Variants in ERG observed in about 807,000 individuals in gnomAD.
ERG encodes the protein transcriptional regulator ERG.
A neutral mutation model predicts 55.3 loss-of-function variants in ERG; 9 were observed. The observed-to-expected ratio is 0.16, with a 90% CI of 0.10 to 0.28. The LOEUF (loss-of-function observed/expected upper bound fraction) is 0.28, where lower values mean the gene tolerates loss of function less well. Ranked by LOEUF, ERG falls within the 10% of genes least tolerant of loss-of-function variation. The pLI, the probability that ERG is intolerant of heterozygous loss-of-function variation, is 1.00. For missense variants in ERG, 434 were observed against 631.6 expected (o/e 0.69, Z 3.35); for synonymous variants, 223 against 237.3 (o/e 0.94, Z 0.55).
chr21:38,636,918 G>A (rs550899407), intron 1 of ERG, among the ~76,000 whole-genome samples: 10 of 152,248 alleles, frequency 6.6e-5, no homozygotes, highest in South Asian at 4.2e-4. Flanking sequence ...AGGAAGAGGC[G>A]AACACTGTTA....
chr21:38,530,341 T>C (rs1326455063), intron 2 of ERG, among the ~76,000 whole-genome samples: 1 of 152,158 alleles, frequency 6.6e-6, no homozygotes, highest in Admixed American at 6.5e-5. Flanking sequence ...ATTGCAGAAG[T>C]GAGCCACTGC....
At chr21:38,569,449 G>A (rs899832200) in intron 2 of ERG, among the ~76,000 whole-genome samples, 5 of 152,222 alleles carry the variant, frequency 3.3e-5, no homozygotes, top group Non-Finnish European at 5.9e-5. Context: ...GATCTCTAAT[G>A]TGATGATTTG....
At chr21:38,571,753 G>A (rs1238430279) in intron 2 of ERG, among the ~76,000 whole-genome samples, 1 of 151,364 alleles carries the variant, frequency 6.6e-6, no homozygotes, top group Non-Finnish European at 1.5e-5. Flanking sequence ...TTTTTTTATT[G>A]TTTCCAGCTC....
intron 2 of ERG, among the ~76,000 whole-genome samples, chr21:38,514,037 A>G (rs1302706300): frequency 1.3e-5 from 2 of 152,150 alleles, no homozygotes; most frequent in South Asian, 4.1e-4. Flanking sequence ...GTTGAAATAC[A>G]TAATTGGAAA....
chr21:38,476,696 A>G (rs114201023), intron 1 of ERG, among the ~76,000 whole-genome samples: 263 of 152,280 alleles, frequency 1.7e-3, no homozygotes, highest in African/African-American at 6.1e-3. Flanking sequence ...AAAGAGACAG[A>G]ATCCTTCCCC....
chr21:38,633,562 C>T (rs1053232802), intron 1 of ERG, among the ~76,000 whole-genome samples: 2 of 152,170 alleles, frequency 1.3e-5, no homozygotes, highest in Admixed American at 6.5e-5. Context: ...TATCAGCACA[C>T]ATGAATTATT....
chr21:38,612,599 CAG>C (rs1286276165), intron 1 of ERG, among the ~76,000 whole-genome samples: 1 of 151,130 alleles, frequency 6.6e-6, no homozygotes, highest in East Asian at 1.9e-4. Context: ...TCATGAAAAA[CAG>C]AGGAAAAAAT....
At chr21:38,425,716 C>T (rs1989791369) in intron 2 of ERG, among the ~76,000 whole-genome samples, 1 of 152,204 alleles carries the variant, frequency 6.6e-6, no homozygotes, top group African/African-American at 2.4e-5. Flanking sequence ...CCAATGAAGC[C>T]TCATTTATCT....
chr21:38,561,387 C>T (rs1448954200), intron 2 of ERG, among the ~76,000 whole-genome samples: 1 of 151,704 alleles, frequency 6.6e-6, no homozygotes, highest in African/African-American at 2.4e-5. Flanking sequence ...CCCAACACCC[C>T]TTGTCACACC....
intron 2 of ERG, among the ~76,000 whole-genome samples, chr21:38,554,370 TGCATTATTCACA>T (rs982779804): frequency 3.2e-4 from 49 of 152,348 alleles, no homozygotes; most frequent in African/African-American, 1.2e-3. Context: ...TAAAGACACC[TGCATTATTCACA>T]GCATTATTCA....
intron 2 of ERG, among the ~76,000 whole-genome samples, chr21:38,543,610 C>T (rs1056019119): frequency 4.6e-5 from 7 of 151,886 alleles, no homozygotes; most frequent in Non-Finnish European, 1.0e-4. Context: ...AAAACCCCTG[C>T]TCTTGTGGAG....
At chr21:38,393,879 T>C (rs1366673253) in intron 6 of ERG, among the ~76,000 whole-genome samples, 1 of 152,224 alleles carries the variant, frequency 6.6e-6, no homozygotes, top group Non-Finnish European at 1.5e-5. Context: ...CAGCTGGCAT[T>C]TTTGCATTTT....
Position 38,654,978 on chromosome 21 carries a change from A to T in ERG, c.-150+6680T>A, listed in dbSNP as rs1046010987. Among the ~76,000 whole-genome samples, 6 of 152,194 alleles carry T rather than the reference A, an allele frequency of 3.9e-5. No individual in the cohort carries two copies. The East Asian group carries it at 1.2e-3, about 29-fold the overall frequency. ...AATTAGCACTTGGTTTCTTTTCAAA[A>T]TGTTTTTACCTCATTTCCTAATAAA... On this transcript the variant is annotated intron_variant, in intron 1 of 10. Coordinates refer to the ERG transcript ENST00000398910.
chr21:38,532,897 G>T (rs571723897), intron 2 of ERG, among the ~76,000 whole-genome samples: 1 of 152,176 alleles, frequency 6.6e-6, no homozygotes, highest in African/African-American at 2.4e-5. Context: ...AAGCTTCCCA[G>T]TGCTGTATCA....
chr21:38,585,532 C>CTTTTTTTTTTTTTTTT (rs760791568), upstream of ERG, among the ~76,000 whole-genome samples: 5,087 of 59,214 alleles, frequency 0.086, 1,612 homozygotes, highest in Non-Finnish European at 0.12. Flanking sequence ...TCTCTCTCTT[C>CTTTTTTTTTTTTTTTT]TTTTTTTTTT....
At chr21:38,489,313 T>C (rs1601123638) in intron 1 of ERG, among the ~76,000 whole-genome samples, 1 of 152,292 alleles carries the variant, frequency 6.6e-6, no homozygotes, top group Middle Eastern at 3.4e-3. Context: ...CTTTCAACAG[T>C]GAGTCCATGA....
At chr21:38,527,109 AC>A (rs964632638) in intron 2 of ERG, among the ~76,000 whole-genome samples, 1 of 152,130 alleles carries the variant, frequency 6.6e-6, no homozygotes, top group Non-Finnish European at 1.5e-5. Context: ...CTCTGAGATG[AC>A]CTCTCTGACC....
At chr21:38,524,233 G>C (rs1156592796) in intron 2 of ERG, among the ~76,000 whole-genome samples, 1 of 152,144 alleles carries the variant, frequency 6.6e-6, no homozygotes, top group Non-Finnish European at 1.5e-5. Context: ...TAATTACAGT[G>C]TCAAAAATCA....
chr21:38,600,236 C>A (rs557241928), intron 1 of ERG, among the ~76,000 whole-genome samples: 5 of 152,068 alleles, frequency 3.3e-5, no homozygotes, highest in African/African-American at 1.2e-4. Context: ...TAAGTGAAAA[C>A]ACCCAGGTTT....
Sources: gnomAD v4.1 joint callset for allele counts (sites outside exome capture counted in the v4.1 genomes callset) on GRCh38, gnomAD v4.1.1 for gene constraint, MANE v1.5 for transcripts, NCBI Gene and HGNC (gene_info 2026-07-23, HGNC 2026-07-21) for gene names.